FNBP1: variants seen among roughly 807,000 people sequenced by gnomAD.
FNBP1 encodes formin-binding protein 1.
In FNBP1, 26 loss-of-function variants were observed where a neutral mutation model predicts 90.6. The ratio of observed to expected loss-of-function variants is 0.29; its 90% CI spans 0.21 to 0.40. FNBP1 has a LOEUF of 0.40. Among genes scored for constraint, FNBP1 ranks in the 10% least tolerant of loss-of-function variants. The probability of loss-of-function intolerance (pLI) is 1.00; values close to 1 mark genes in which losing one functional copy is unlikely to be tolerated. For missense variants in FNBP1, 635 were observed against 768.0 expected (o/e 0.83, Z 2.05); for synonymous variants, 260 against 265.2 (o/e 0.98, Z 0.19).
chr9:129,997,060 C>T (rs2054118260), intron 1 of FNBP1, among the ~76,000 whole-genome samples: 1 of 151,822 alleles, frequency 6.6e-6, no homozygotes, highest in South Asian at 2.1e-4. Flanking sequence ...TGAGGTGGCT[C>T]ACGCCTGTAA....
intron 1 of FNBP1, among the ~76,000 whole-genome samples, chr9:130,036,517 A>T (rs1292170541): frequency 6.6e-6 from 1 of 152,226 alleles, no homozygotes; most frequent in East Asian, 1.9e-4. Context: ...CTGATATCTA[A>T]ATATCAACTG....
chr9:129,989,317 T>C (rs971044183), intron 2 of FNBP1, among the ~76,000 whole-genome samples: 1 of 152,228 alleles, frequency 6.6e-6, no homozygotes, highest in Non-Finnish European at 1.5e-5. Context: ...TCTCGTTCAT[T>C]CAAGCATCCC....
At chr9:129,976,221 ATTC>A (rs2050284791) in intron 4 of FNBP1, among the ~76,000 whole-genome samples, 1 of 152,132 alleles carries the variant, frequency 6.6e-6, no homozygotes, top group Admixed American at 6.6e-5. Context: ...GGGCCAGGTC[ATTC>A]TTCGTTGGGG....
rs540320561 is a variant in FNBP1, at chr9:130,042,347, G to A, written c.24+605C>T. Among the ~76,000 whole-genome samples the A allele has an allele frequency of 1.3e-5, 2 of 152,192 alleles. No homozygotes were observed. The highest frequency in any genetic ancestry group is 4.1e-4 in the South Asian group (2 of 4,828). The stretch of plus-strand genomic sequence containing the variant: ...GTCGCAGTGCCCACATCCCACTCAG[G>A]ATTGAGCTACCCCGAAAGAACAAGT... On this transcript the variant is annotated intron_variant, in intron 1 of 16. Transcript: ENST00000446176. The surrounding 1 kb of genome is among the most constrained non-coding windows in gnomAD (Gnocchi z 5.5).
At chr9:129,995,787 A>G (rs1395593719) in intron 1 of FNBP1, among the ~76,000 whole-genome samples, 1 of 152,116 alleles carries the variant, frequency 6.6e-6, no homozygotes, top group Non-Finnish European at 1.5e-5. Flanking sequence ...TGGGTGGGGC[A>G]GAAGGGAAGT....
intron 1 of FNBP1, among the ~76,000 whole-genome samples, chr9:130,023,765 T>C (rs189777207): frequency 1.4e-4 from 22 of 152,240 alleles, no homozygotes; most frequent in Admixed American, 5.2e-4. Flanking sequence ...CGTCATCCTT[T>C]TATCGTGAGC....
In FNBP1 at chr9:129,890,068, CACACGGATGACATCG is replaced by C. The variant is rs888923361; in HGVS notation, c.*456_*470del. ...GTTTTCTACAGCAGACAGTCTGGGA[CACACGGATGACATCG>C]ACACGGATGACATCGAGTGCTCAGT... is the stretch of plus-strand genomic sequence containing the variant. On this transcript the variant is annotated 3_prime_UTR_variant, in exon 17 of 17. Transcript: ENST00000446176. This position sits in a 1 kb window ranked among gnomAD's most constrained non-coding sequence, Gnocchi z 5.8. The C allele has an allele frequency of 1.4e-4, 36 of 260,824 alleles. No homozygotes were observed. The highest frequency in any genetic ancestry group is 5.6e-4 in the African/African-American group (26 of 46,144). 16.2% of individuals were successfully genotyped at this position (260,824 alleles called of 1,614,324 possible).
At chr9:129,894,812 C>T (rs1483626498) in intron 16 of FNBP1, among the ~76,000 whole-genome samples, 5 of 152,224 alleles carry the variant, frequency 3.3e-5, no homozygotes, top group South Asian at 4.1e-4. Flanking sequence ...ATAATCCCAG[C>T]ACTTTGGGAG....
chr9:130,015,564 T>C (rs2131780592), intron 1 of FNBP1, among the ~76,000 whole-genome samples: 1 of 152,318 alleles, frequency 6.6e-6, no homozygotes, highest in African/African-American at 2.4e-5. Flanking sequence ...ACCAACAGTA[T>C]ACAAGGATCC....
At chr9:129,905,290 G>GTATATATA (rs1435497753) in intron 12 of FNBP1, among the ~76,000 whole-genome samples, 1 of 57,976 alleles carries the variant, frequency 1.7e-5, no homozygotes. Context: ...GTGTGTGTGT[G>GTATATATA]TGTGTATATA....
rs560090278 is a variant in FNBP1 at position 129,950,603 on chromosome 9, G to A, written c.513+6757C>T. On this transcript the variant is annotated intron_variant, in intron 6 of 16. Transcript: ENST00000446176. ...CACAAACAGCCAGAACTCAGAGCAT[G>A]TGTGGAGTCCAAACCCTAAGTTGAA... is the stretch of plus-strand genomic sequence containing the variant. Among the ~76,000 whole-genome samples the A allele has an allele frequency of 2.0e-5, 3 of 152,340 alleles. No individual in the cohort carries two copies. In the South Asian group the frequency reaches 6.2e-4, roughly 32 times the overall value.
rs73672527 is a variant in FNBP1, at chr9:129,967,686, T to C, written c.346-9133A>G. Among the ~76,000 whole-genome samples the C allele has an allele frequency of 5.0e-3, 765 of 152,262 alleles. 8 individuals are homozygous for C. Among genetic ancestry groups the C allele is most frequent in the African/African-American group, 0.017 (723 of 41,536 alleles). On this transcript the variant is annotated intron_variant, in intron 4 of 16. Transcript: ENST00000446176. ...CAAACAGGTGGCCGAACAAGAATCATGTGAGATACGAAATGTGAGTCAAGT... is the reference window on the plus strand; with the variant it reads ...CAAACAGGTGGCCGAACAAGAATCACGTGAGATACGAAATGTGAGTCAAGT...
chr9:130,028,897 G>C (rs1421135577), intron 1 of FNBP1, among the ~76,000 whole-genome samples: 1 of 152,020 alleles, frequency 6.6e-6, no homozygotes, highest in Non-Finnish European at 1.5e-5. Context: ...CTAGGCTATC[G>C]ACGCAATATT....
chr9:129,899,938 G>A (rs2036587554), intron 15 of FNBP1, 27 bp downstream of exon 15: 2 of 1,538,774 alleles, frequency 1.3e-6, no homozygotes, highest in African/African-American at 1.4e-5. Context: ...TAAAAGGCAG[G>A]GGAATCCAGC....
In FNBP1 at chr9:129,958,523, G is replaced by A; in HGVS notation, c.376C>T (p.His126Tyr). 1 of 1,599,190 alleles carries A rather than the reference G, an allele frequency of 6.3e-7. No individual in the cohort carries two copies. Among genetic ancestry groups the A allele is most frequent in the Non-Finnish European group, 8.5e-7 (1 of 1,172,132 alleles). ...AGCTGCTTCCAGCAAGTCTCGATGT[G>A]CTGCTGTGCTTTACGGCCATCGTGA... ...NFHDGRKAQQ[H>Y]IETCWKQLES... The change falls in exon 5 of 17, where the codon CAC (histidine) becomes TAC (tyrosine). Residue 126 changes from histidine (H) to tyrosine (Y), a missense_variant. By Grantham distance (83) the His-to-Tyr change is moderately conservative (BLOSUM62 2). Transcript: ENST00000446176.
upstream of FNBP1, among the ~76,000 whole-genome samples, chr9:130,045,517 A>G (rs932134459): frequency 4.6e-5 from 7 of 152,190 alleles, no homozygotes; most frequent in Admixed American, 4.6e-4. Flanking sequence ...GAGAAAGAGG[A>G]AGAGGAAGGG....
chr9:129,924,176 G>T, intron 9 of FNBP1, 150 bp from the exon 10 acceptor site: 1 of 751,450 alleles, frequency 1.3e-6, no homozygotes, highest in Non-Finnish European at 2.0e-6. Flanking sequence ...AAACATGTAG[G>T]AGGTGGTTAA....
At chr9:129,976,498 T>C (rs1416054020) in intron 4 of FNBP1, among the ~76,000 whole-genome samples, 1 of 152,216 alleles carries the variant, frequency 6.6e-6, no homozygotes, top group Non-Finnish European at 1.5e-5. Flanking sequence ...CTTCCTAACT[T>C]TTAAACCTAT....
chr9:130,013,600 T>C (rs2056888654), intron 1 of FNBP1: 1 of 421,848 alleles, frequency 2.4e-6, no homozygotes, highest in Admixed American at 2.7e-5. Context: ...GTTTAGGAGC[T>C]AGACAATAAC....
Sources: gnomAD v4.1 joint callset for allele counts (sites outside exome capture counted in the v4.1 genomes callset) on GRCh38, gnomAD v4.1.1 for gene constraint, Gnocchi (gnomAD v3.1) non-coding constraint, MANE v1.5 for transcripts, NCBI Gene and HGNC (gene_info 2026-07-23, HGNC 2026-07-21) for gene names.